Variants in CACNG2 observed in about 807,000 individuals in gnomAD.
CACNG2 encodes the protein voltage-dependent calcium channel gamma-2 subunit.
Under a neutral mutation model 25.9 loss-of-function variants are expected in CACNG2, and 3 were observed. The ratio of observed to expected loss-of-function variants is 0.12; its 90% CI spans 0.05 to 0.30. CACNG2 has a LOEUF of 0.30. CACNG2 is among the 10% of genes least tolerant of loss of function. The pLI, the probability that CACNG2 is intolerant of heterozygous loss-of-function variation, is 1.00. For synonymous variants in CACNG2, 167 were observed against 173.3 expected (o/e 0.96, Z 0.29); for missense variants, 341 against 432.5 (o/e 0.79, Z 1.88).
chr22:36,625,638 G>A (rs936993625), intron 1 of CACNG2, among the ~76,000 whole-genome samples: 5 of 152,178 alleles, frequency 3.3e-5, no homozygotes, highest in African/African-American at 1.2e-4. Context: ...TTTTTAAAAG[G>A]AAACTGTATT....
At chr22:36,632,470 CTCT>C (rs1351061953) in intron 1 of CACNG2, among the ~76,000 whole-genome samples, 12 of 6,608 alleles carry the variant, frequency 1.8e-3, no homozygotes, top group African/African-American at 0.011. Flanking sequence ...CTCTCCTCTC[CTCT>C]CTCTCTCTCT....
chr22:36,690,254 CAG>C (rs1002974203), intron 1 of CACNG2, among the ~76,000 whole-genome samples: 8 of 152,194 alleles, frequency 5.3e-5, no homozygotes, highest in African/African-American at 1.9e-4. Context: ...AGTGGGGACT[CAG>C]GGGGAAGTGC....
At position 36,667,994 on chromosome 22, in the gene CACNG2, G is replaced by A. The variant is rs78922173; in HGVS notation, c.211+34372C>T. ...ACCCTGCTCTTGCCTCATGCTGGGC[G>A]CTGTTCTAAGCATTTTACCTGCATG... On this transcript the variant is annotated intron_variant, in intron 1 of 3. Transcript: ENST00000300105. Among the ~76,000 whole-genome samples, 1,168 of 152,254 alleles carry A rather than the reference G, an allele frequency of 7.7e-3. 14 individuals carry two copies. Among genetic ancestry groups the A allele is most frequent in the African/African-American group, 0.027 (1,129 of 41,514 alleles).
intron 1 of CACNG2, among the ~76,000 whole-genome samples, chr22:36,593,545 G>A (rs1013427222): frequency 2.6e-5 from 4 of 152,090 alleles, no homozygotes; most frequent in Non-Finnish European, 4.4e-5. Flanking sequence ...GGTGTCCTTC[G>A]GGGAAAGCCA....
In CACNG2 at chr22:36,563,303, G is replaced by A. The variant is rs1200831309; in HGVS notation, c.*1048C>T. ...CTTATGAGTCAGGGGGTCCACCATCGCCCCAGGGTCATCAGGTGGCCCTGA... is the reference window on the plus strand; with the variant it reads ...CTTATGAGTCAGGGGGTCCACCATCACCCCAGGGTCATCAGGTGGCCCTGA... On this transcript the variant is annotated 3_prime_UTR_variant, in exon 4 of 4. Transcript: ENST00000300105. 5.3e-5 allele frequency among the ~76,000 whole-genome samples: 8 copies of A among 151,950 alleles called. No individual in the cohort carries two copies. The highest frequency in any genetic ancestry group is 3.4e-3 in the Middle Eastern group (1 of 294).
intron 2 of CACNG2, among the ~76,000 whole-genome samples, chr22:36,576,683 G>A (rs1246232102): frequency 6.6e-6 from 1 of 152,042 alleles, no homozygotes; most frequent in Non-Finnish European, 1.5e-5. Context: ...AGAAAGAGAA[G>A]TCAAACGCTA....
chr22:36,668,297 T>C (rs559272345), intron 1 of CACNG2, among the ~76,000 whole-genome samples: 1 of 152,184 alleles, frequency 6.6e-6, no homozygotes, highest in Non-Finnish European at 1.5e-5. Context: ...CCATCTCTAT[T>C]AGCCTGGGTT....
chr22:36,639,687 G>C (rs1936413214), intron 1 of CACNG2, among the ~76,000 whole-genome samples: 1 of 152,166 alleles, frequency 6.6e-6, no homozygotes, highest in Non-Finnish European at 1.5e-5. Context: ...TGAAGGGTTG[G>C]GAACATCTCA....
intron 2 of CACNG2, among the ~76,000 whole-genome samples, chr22:36,577,940 T>C (rs1224489634): frequency 1.3e-5 from 2 of 151,954 alleles, no homozygotes. Flanking sequence ...AGCAGGATAA[T>C]GGACCTGGAT....
At chr22:36,577,584 A>C (rs1216933956) in intron 2 of CACNG2, among the ~76,000 whole-genome samples, 1 of 142,518 alleles carries the variant, frequency 7.0e-6, no homozygotes, top group Non-Finnish European at 1.5e-5. Context: ...GGGGAGGCGG[A>C]GGTTGCAGTG....
intron 1 of CACNG2, among the ~76,000 whole-genome samples, chr22:36,679,136 C>CCCTTCCTTCCTTCCTTCCTT (rs575397901): frequency 6.2e-5 from 8 of 128,364 alleles, no homozygotes; most frequent in Non-Finnish European, 1.1e-4. Flanking sequence ...TGGATTTTCT[C>CCCTTCCTTCCTTCCTTCCTT]CCTTCCTTCC....
At chr22:36,582,478 T>C (rs1323733107) in intron 2 of CACNG2, among the ~76,000 whole-genome samples, 2 of 151,056 alleles carry the variant, frequency 1.3e-5, no homozygotes, top group East Asian at 3.9e-4. Context: ...TGGTCTCAGC[T>C]CACTGCAACC....
At chr22:36,635,225 A>G (rs1358395825) in intron 1 of CACNG2, among the ~76,000 whole-genome samples, 1 of 151,268 alleles carries the variant, frequency 6.6e-6, no homozygotes, top group African/African-American at 2.4e-5. Context: ...CGGAGCTTGC[A>G]GTGAGCTGAG....
chr22:36,658,722 G>A (rs1356533557), intron 1 of CACNG2, among the ~76,000 whole-genome samples: 1 of 152,154 alleles, frequency 6.6e-6, no homozygotes, highest in Non-Finnish European at 1.5e-5. Flanking sequence ...TCAATCTGTG[G>A]GCATGATGAC....
chr22:36,624,839 C>T (rs917958195), intron 1 of CACNG2, among the ~76,000 whole-genome samples: 1 of 151,856 alleles, frequency 6.6e-6, no homozygotes, highest in African/African-American at 2.4e-5. Context: ...ACCATCCTGG[C>T]CAACATGGTG....
In CACNG2 at chr22:36,702,607, T is replaced by A; in HGVS notation, c.-31A>T. ...TTCATTATATAAACACCCAACCGAC[T>A]TCTGGTTCTCGGGAGAGTGTGTGTG... On this transcript the variant is annotated 5_prime_UTR_variant, in exon 1 of 4. The change creates a new upstream start codon in the 5' untranslated region. Transcript: ENST00000300105. 4 of 1,579,856 alleles carry A rather than the reference T, an allele frequency of 2.5e-6. No homozygotes were observed. The highest frequency in any genetic ancestry group is 3.5e-6 in the Non-Finnish European group (4 of 1,149,036).
intron 1 of CACNG2, among the ~76,000 whole-genome samples, chr22:36,695,595 TC>T (rs1172069972): frequency 6.6e-6 from 1 of 151,586 alleles, no homozygotes; most frequent in African/African-American, 2.4e-5. Flanking sequence ...ATCTGGAATG[TC>T]CTTTCTTCCT....
At position 36,653,980 on chromosome 22, in the gene CACNG2, C is replaced by G. The variant is rs865818200; in HGVS notation, c.211+48386G>C. ...TGTGTTTGTGTGTGTGTGTGTGTGT[C>G]TCTGTGTGTGTGTGTGTGTGTGTGT... On this transcript the variant is annotated intron_variant, in intron 1 of 3. Coordinates refer to ENST00000300105, the MANE Select transcript of CACNG2 (RefSeq NM_006078.5). Among the ~76,000 whole-genome samples, 98 of 79,020 alleles carry G rather than the reference C, an allele frequency of 1.2e-3. 1 individual carries two copies. The highest frequency in any genetic ancestry group is 6.8e-3 in the Middle Eastern group (1 of 146). 51.8% of individuals were successfully genotyped at this position (79,020 alleles called of 152,430 possible).
intron 1 of CACNG2, among the ~76,000 whole-genome samples, chr22:36,696,629 T>C (rs1457913590): frequency 6.6e-6 from 1 of 152,140 alleles, no homozygotes; most frequent in East Asian, 1.9e-4. Context: ...GAGCTGACAG[T>C]CTAGTGGTGA....
Sources: allele counts gnomAD v4.1 joint callset (sites outside exome capture counted in the v4.1 genomes callset), GRCh38; gene constraint gnomAD v4.1.1; transcripts MANE v1.5; gene names NCBI Gene and HGNC (gene_info 2026-07-23, HGNC 2026-07-21).